PRSS55: variants seen among roughly 807,000 people sequenced by gnomAD.
The protein encoded by PRSS55 is probable serine protease UNQ9391/PRO34284.
Under a neutral mutation model 23.6 loss-of-function variants are expected in PRSS55, and 41 were observed. That is an observed-to-expected ratio of 1.74 (90% CI 1.35 to 2.26). PRSS55 has a LOEUF of 2.26. Ranked by LOEUF, PRSS55 falls within the 30% of genes most tolerant of loss-of-function variation. The pLI, the probability that PRSS55 is intolerant of heterozygous loss-of-function variation, is 0.00. For missense variants in PRSS55, 669 were observed against 439.1 expected (o/e 1.52, Z -4.68); for synonymous variants, 262 against 175.5 (o/e 1.49, Z -3.90).
downstream of PRSS55, among the ~76,000 whole-genome samples, chr8:10,541,924 T>A (rs775770389): frequency 6.6e-6 from 1 of 152,040 alleles, no homozygotes; most frequent in African/African-American, 2.4e-5. Context: ...CAGGCGCACA[T>A]CACCACACCT....
Position 10,538,593 on chromosome 8 carries a change from T to C in PRSS55, c.859T>C (p.Ser287Pro), listed in dbSNP as rs1314779967. ...GAAGAACACCCCAGGGATATACACC[T>C]CGTTGGTGAACTACAACCTCTGGAT... The part of the protein sequence containing the change: ...GEKNTPGIYT[S>P]LVNYNLWIEK... The change falls in exon 5 of 5, where the codon TCG becomes CCG. Residue 287 changes from serine to proline, a missense_variant. Transcript: ENST00000328655. The C allele has an allele frequency of 6.2e-7, 1 of 1,614,054 alleles. No individual in the cohort carries two copies. The highest frequency in any genetic ancestry group is 1.1e-5 in the South Asian group (1 of 91,076).
intron 1 of PRSS55, 30 bp downstream of exon 1, chr8:10,525,769 G>A (rs1040596355): frequency 3.2e-6 from 5 of 1,556,406 alleles, no homozygotes; most frequent in African/African-American, 1.4e-5. Flanking sequence ...GGGCATGGAT[G>A]GGGGCTCATG....
chr8:10,531,417 T>A lies in PRSS55; in HGVS notation c.470T>A (p.Ile157Asn). ...AAGAGAGCCAACATGGACAATGACA[T>A]TGCCTTGCTGCTGCTGGCTTCGCCC... ...DFKRANMDND[I>N]ALLLLASPIK... is the part of the protein sequence containing the mutation. The change falls in exon 3 of 5, where the codon ATT (isoleucine) becomes AAT (asparagine). Residue 157 changes from isoleucine (I) to asparagine (N), a missense_variant. Ile to Asn is a moderately radical substitution (Grantham distance 149). Transcript: ENST00000328655. 4 of 1,614,238 alleles carry A rather than the reference T, an allele frequency of 2.5e-6. No individual in the cohort carries two copies. Among genetic ancestry groups the A allele is most frequent in the Non-Finnish European group, 3.4e-6 (4 of 1,180,046 alleles).
chr8:10,525,804 G>A lies in PRSS55; in HGVS notation c.154+65G>A, dbSNP rs1478716474. 8.7e-6 allele frequency: 13 copies of A among 1,499,498 alleles called. No individual in the cohort carries two copies. In the African/African-American group the frequency reaches 1.8e-4, roughly 21 times the overall value. 92.9% of individuals were successfully genotyped at this position (1,499,498 alleles called of 1,614,324 possible). A position where few individuals can be genotyped will look rare whatever the true frequency, so the allele number is the denominator to read the frequency against. The stretch of plus-strand genomic sequence containing the variant: ...GGTCCAGCTGACTGGCTGCCAGGAG[G>A]GTGGATCGCAGAGCACAAGGCCAGA... On this transcript the variant is annotated intron_variant, in intron 1 of 4. Transcript: ENST00000328655.
rs757923057 is a variant in PRSS55, at chr8:10,538,690, C to A, written c.956C>A (p.Pro319His). Residue 319 changes from proline (P) to histidine (H), a missense_variant, in exon 5 of 5, where the codon CCT becomes CAT. Pro to His is a moderately conservative substitution (Grantham distance 77, BLOSUM62 -2). Transcript: ENST00000328655. ...AGGAGGACTTCTGTCAAACAGAAAC[C>A]TATGGGCTCCCCAGTCTCGGGAGTC... is the stretch of plus-strand genomic sequence containing the variant. ...EKRRTSVKQK[P>H]MGSPVSGVPE... is the part of the protein sequence containing the mutation. 8.7e-6 allele frequency: 14 copies of A among 1,614,196 alleles called. No homozygotes were observed. Among genetic ancestry groups the A allele is most frequent in the Non-Finnish European group, 1.2e-5 (14 of 1,180,016 alleles).
At chr8:10,554,143 AAATG>A (rs1813011470) in exon 5 of PRSS55, 1 of 598,796 alleles carries the variant, frequency 1.7e-6, no homozygotes, top group Non-Finnish European at 2.7e-6. Context: ...ATGACTGAAA[AAATG>A]AATAAAAGCC....
downstream of PRSS55, among the ~76,000 whole-genome samples, chr8:10,543,415 T>TTCTTC (rs1491297830): frequency 5.3e-5 from 2 of 37,868 alleles, no homozygotes; most frequent in Non-Finnish European, 6.9e-5. Flanking sequence ...CTTTCTTTCT[T>TTCTTC]CTTTCTTTCT....
At chr8:10,530,857 G>A (rs1323635291) in intron 2 of PRSS55, among the ~76,000 whole-genome samples, 2 of 152,134 alleles carry the variant, frequency 1.3e-5, no homozygotes, top group South Asian at 2.1e-4. Flanking sequence ...GTCAGTGGCA[G>A]GTCTAGACTA....
At chr8:10,544,971 G>C in intron 4 of PRSS55, 1 of 981,098 alleles carries the variant, frequency 1.0e-6, no homozygotes, top group Non-Finnish European at 1.2e-6. Flanking sequence ...AACTTTAACA[G>C]GGACAGAAAA....
At chr8:10,543,405 C>CT (rs1391081905), downstream of PRSS55, among the ~76,000 whole-genome samples, 37 of 71,192 alleles carry the variant, frequency 5.2e-4, no homozygotes, top group African/African-American at 8.3e-4. Flanking sequence ...CTTTTTCTTT[C>CT]TTTCTTTCTT....
At chr8:10,526,930 C>A (rs964542512) in intron 1 of PRSS55, among the ~76,000 whole-genome samples, 4 of 152,202 alleles carry the variant, frequency 2.6e-5, no homozygotes, top group South Asian at 2.1e-4. Context: ...AGCCTGGATT[C>A]AAGCTTGGGC....
chr8:10,531,603 GA>G (rs1812270025), intron 3 of PRSS55, 58 bp downstream of exon 3: 1 of 1,594,076 alleles, frequency 6.3e-7, no homozygotes, highest in African/African-American at 1.3e-5. Context: ...AAGGAGAGGG[GA>G]GGAAGCTAAG....
At chr8:10,529,825 C>A in intron 2 of PRSS55, 126 bp downstream of exon 2, 1 of 946,130 alleles carries the variant, frequency 1.1e-6, no homozygotes, top group Non-Finnish European at 1.6e-6. Context: ...GCATGAATGG[C>A]TCCCACCCAT....
intron 4 of PRSS55, among the ~76,000 whole-genome samples, chr8:10,546,219 T>C (rs944939205): frequency 2.0e-5 from 3 of 152,030 alleles, no homozygotes; most frequent in Non-Finnish European, 2.9e-5. Context: ...AAAATGAGAA[T>C]CATTGCATGG....
Position 10,531,433 on chromosome 8 carries a change from G to A in PRSS55, c.486G>A (p.Leu162=). Residue 162 remains leucine (L), a synonymous_variant, in exon 3 of 5, where the codon CTG becomes CTA. Transcript: ENST00000328655. ...NMDNDIALLL[L]ASPIKLDDLK... ...ACAATGACATTGCCTTGCTGCTGCT[G>A]GCTTCGCCCATCAAGCTCGATGACC... 1.9e-6 allele frequency: 3 copies of A among 1,614,220 alleles called. No homozygotes were observed. The South Asian group carries it at 3.3e-5, about 18-fold the overall frequency.
At chr8:10,549,996 T>G (rs546744968) in intron 4 of PRSS55, among the ~76,000 whole-genome samples, 7 of 152,318 alleles carry the variant, frequency 4.6e-5, no homozygotes, top group African/African-American at 1.7e-4. Flanking sequence ...CTCAGCTCAC[T>G]GCAGCCTCCG....
downstream of PRSS55, among the ~76,000 whole-genome samples, chr8:10,543,395 C>A (rs1182979165): frequency 1.8e-5 from 2 of 112,618 alleles, no homozygotes; most frequent in African/African-American, 6.2e-5. Context: ...CAACAGATTT[C>A]TTTTTCTTTC....
At chr8:10,542,408 A>C (rs1438107014), downstream of PRSS55, among the ~76,000 whole-genome samples, 1 of 65,416 alleles carries the variant, frequency 1.5e-5, no homozygotes. Context: ...GCCTAGAAGC[A>C]CCATGCGGGG....
At position 10,531,559 on chromosome 8, in the gene PRSS55, C is replaced by G. The variant is rs762876955; in HGVS notation, c.598+14C>G. The G allele has an allele frequency of 2.5e-6, 4 of 1,611,504 alleles. No homozygotes were observed. Among genetic ancestry groups the G allele is most frequent in the Non-Finnish European group, 3.4e-6 (4 of 1,179,194 alleles). Reference sequence around the variant, plus strand: ...AGACCAATGCTGGTATGTGACTGCTCAGCTTCCCCTGGGGAAAAAGCCACT... The same window carrying G: ...AGACCAATGCTGGTATGTGACTGCTGAGCTTCCCCTGGGGAAAAAGCCACT... On this transcript the variant is annotated intron_variant, in intron 3 of 4. Transcript: ENST00000328655.
Sources: allele counts gnomAD v4.1 joint callset (sites outside exome capture counted in the v4.1 genomes callset), GRCh38; gene constraint gnomAD v4.1.1; transcripts MANE v1.5; gene names NCBI Gene and HGNC (gene_info 2026-07-23, HGNC 2026-07-21).